Variants in ALDH1L2 observed in about 807,000 individuals in gnomAD.
ALDH1L2 encodes aldehyde dehydrogenase 1 family member L2, also known as mitochondrial 10-formyltetrahydrofolate dehydrogenase.
A neutral mutation model predicts 111.0 loss-of-function variants in ALDH1L2; 91 were observed. That is an observed-to-expected ratio of 0.82 (90% CI 0.69 to 0.98). ALDH1L2 has a LOEUF of 0.98. Among genes scored for constraint, ALDH1L2 ranks in the 50% least tolerant of loss-of-function variants. ALDH1L2 has a pLI of 0.00. For missense variants in ALDH1L2, 995 were observed against 1,126.8 expected (o/e 0.88, Z 1.67); for synonymous variants, 374 against 392.6 (o/e 0.95, Z 0.56).
At chr12:105,028,360 G>A (rs1874525445) in intron 21 of ALDH1L2, among the ~76,000 whole-genome samples, 1 of 152,142 alleles carries the variant, frequency 6.6e-6, no homozygotes, top group East Asian at 1.9e-4. Context: ...TGATCCGCCT[G>A]CCTTGGCCTT....
intron 5 of ALDH1L2, among the ~76,000 whole-genome samples, 161 bp downstream of exon 5, chr12:105,066,407 G>A (rs1160534834): frequency 2.0e-5 from 3 of 152,004 alleles, no homozygotes. Flanking sequence ...TTTCTTTAGG[G>A]GACTCCCCTC....
intron 22 of ALDH1L2, among the ~76,000 whole-genome samples, chr12:105,025,500 A>G (rs1874365417): frequency 6.6e-6 from 1 of 152,200 alleles, no homozygotes; most frequent in Non-Finnish European, 1.5e-5. Flanking sequence ...AAAGTCTCCT[A>G]CAGTGATTTG....
At position 105,070,568 on chromosome 12, in the gene ALDH1L2, A is replaced by G; in HGVS notation, c.428+2T>C. On this transcript the variant is annotated splice_donor_variant, in intron 3 of 22. Coordinates refer to ENST00000258494, the MANE Select transcript of ALDH1L2 (RefSeq NM_001034173.4). LOFTEE classifies it high-confidence loss of function. ...AAAAAAAGTAAAAAGAAAAAATCTC[A>G]CCAATTGATAGCAGAGGCTCCTCTG... The G allele has an allele frequency of 6.3e-7, 1 of 1,598,404 alleles. No homozygotes were observed. Among genetic ancestry groups the G allele is most frequent in the Non-Finnish European group, 8.5e-7 (1 of 1,173,706 alleles).
chr12:105,058,376 A>G (rs1876771228), intron 9 of ALDH1L2, among the ~76,000 whole-genome samples, 156 bp from the exon 10 acceptor site: 1 of 152,258 alleles, frequency 6.6e-6, no homozygotes, highest in Non-Finnish European at 1.5e-5. Context: ...AGAGAAATTG[A>G]TAAGACTAGG....
chr12:105,028,192 C>A (rs557296593), intron 21 of ALDH1L2, among the ~76,000 whole-genome samples: 2 of 152,292 alleles, frequency 1.3e-5, no homozygotes, highest in South Asian at 4.1e-4. Flanking sequence ...CTCACTGCAA[C>A]CTTCGCCTCC....
intron 15 of ALDH1L2, among the ~76,000 whole-genome samples, chr12:105,046,225 T>A (rs866482995): frequency 0.013 from 578 of 45,454 alleles, no homozygotes; most frequent in East Asian, 0.035. Context: ...ATATATATTT[T>A]TTTTTTTTTT....
intron 6 of ALDH1L2, among the ~76,000 whole-genome samples, chr12:105,063,997 G>C (rs1433690804): frequency 2.3e-5 from 3 of 128,602 alleles, no homozygotes; most frequent in Non-Finnish European, 4.7e-5. Flanking sequence ...ACAGAGTCTT[G>C]CTCTGTCACC....
chr12:105,068,271 ATT>A (rs773030009), intron 4 of ALDH1L2, among the ~76,000 whole-genome samples: 4 of 146,402 alleles, frequency 2.7e-5, no homozygotes, highest in Admixed American at 6.9e-5. Context: ...ATGTTTTGGG[ATT>A]TTTTTTTTTT....
chr12:105,062,738 G>A (rs1877074562), intron 7 of ALDH1L2, 150 bp downstream of exon 7: 2 of 917,088 alleles, frequency 2.2e-6, no homozygotes, highest in East Asian at 5.5e-5. Context: ...CAGATCTGTG[G>A]GGCCCATCTT....
chr12:105,057,041 C>T (rs183694089), intron 10 of ALDH1L2, among the ~76,000 whole-genome samples: 46 of 150,484 alleles, frequency 3.1e-4, no homozygotes, highest in African/African-American at 1.1e-3. Context: ...CGAAAATATA[C>T]GAAGGACGCT....
At chr12:105,069,735 T>C (rs536586858) in intron 3 of ALDH1L2, among the ~76,000 whole-genome samples, 1 of 152,274 alleles carries the variant, frequency 6.6e-6, no homozygotes, top group African/African-American at 2.4e-5. Context: ...TGAGGAATAT[T>C]AGGAAAATGT....
At chr12:105,031,262 G>C (rs566864421) in intron 20 of ALDH1L2, among the ~76,000 whole-genome samples, 2 of 152,130 alleles carry the variant, frequency 1.3e-5, no homozygotes, top group Admixed American at 1.3e-4. Context: ...ACTATTTTCA[G>C]CTTATAAAAC....
At chr12:105,033,381 A>G (rs1182383516) in intron 19 of ALDH1L2, among the ~76,000 whole-genome samples, 1 of 152,238 alleles carries the variant, frequency 6.6e-6, no homozygotes, top group Non-Finnish European at 1.5e-5. Flanking sequence ...ATAGCACTGC[A>G]GACTGTCTTT....
chr12:105,069,671 T>G (rs1877563331), intron 3 of ALDH1L2, among the ~76,000 whole-genome samples: 1 of 152,204 alleles, frequency 6.6e-6, no homozygotes, highest in Non-Finnish European at 1.5e-5. Context: ...ATTAATATTT[T>G]TCATCACATT....
chr12:105,060,226 CAG>C (rs1430280444), intron 9 of ALDH1L2, among the ~76,000 whole-genome samples: 3 of 152,016 alleles, frequency 2.0e-5, no homozygotes, highest in African/African-American at 7.3e-5. Flanking sequence ...TATCAGGTAT[CAG>C]ATATTATTCT....
At chr12:105,063,179 A>C (rs1255205072) in intron 6 of ALDH1L2, among the ~76,000 whole-genome samples, 157 bp from the exon 7 acceptor site, 1 of 152,232 alleles carries the variant, frequency 6.6e-6, no homozygotes, top group African/African-American at 2.4e-5. Flanking sequence ...AAACATCCAT[A>C]GAAATGACAC....
rs1874423000 is a variant in ALDH1L2, at chr12:105,026,629, T to C, written c.2632A>G (p.Thr878Ala). The change falls in exon 22 of 23, where the codon ACT becomes GCT. Residue 878 changes from threonine (T) to alanine (A), a missense_variant. Coordinates refer to ENST00000258494, the MANE Select transcript of ALDH1L2 (RefSeq NM_001034173.4). ...TTGTTGTATGTGTTAATAAAAACAG[T>C]TCCTGCTTCCAGTTTTTCACTCACA... The part of the protein sequence containing the change: ...MYVSEKLEAG[T>A]VFINTYNKTD... 6.2e-7 allele frequency: 1 copy of C among 1,614,028 alleles called. No individual in the cohort carries two copies. The highest frequency in any genetic ancestry group is 1.3e-5 in the African/African-American group (1 of 74,902).
At chr12:105,032,659 C>T (rs1592764990) in intron 19 of ALDH1L2, among the ~76,000 whole-genome samples, 1 of 152,206 alleles carries the variant, frequency 6.6e-6, no homozygotes, top group East Asian at 1.9e-4. Flanking sequence ...CTTTTTTCCA[C>T]TTGAAATCCC....
At chr12:105,031,681 A>G (rs1050784914) in intron 20 of ALDH1L2, 88 bp downstream of exon 20, 4 of 1,515,450 alleles carry the variant, frequency 2.6e-6, no homozygotes, top group Non-Finnish European at 3.5e-6. Context: ...AAGTTTCACC[A>G]TGTTGGCCAG....
Sources: allele counts gnomAD v4.1 joint callset (sites outside exome capture counted in the v4.1 genomes callset), GRCh38; gene constraint gnomAD v4.1.1; transcripts MANE v1.5; gene names NCBI Gene and HGNC (gene_info 2026-07-23, HGNC 2026-07-21).